GOLM1: variants seen among roughly 807,000 people sequenced by gnomAD.
GOLM1 encodes the protein epididymis luminal protein 46.
GOLM1 carries 31 observed loss-of-function variants against 50.5 expected under a neutral mutation model. That is an observed-to-expected ratio of 0.61 (90% confidence interval 0.46 to 0.83). The LOEUF (loss-of-function observed/expected upper bound fraction) is 0.83, where lower values mean the gene tolerates loss of function less well. Ranked by LOEUF, GOLM1 falls within the 40% of genes least tolerant of loss-of-function variation. GOLM1 has a pLI of 0.00. For synonymous variants in GOLM1, 178 were observed against 192.8 expected (o/e 0.92, Z 0.64); for missense variants, 491 against 501.3 (o/e 0.98, Z 0.20).
chr9:86,035,866 C>CAAAA (rs1276980708), intron 7 of GOLM1, among the ~76,000 whole-genome samples: 580 of 46,620 alleles, frequency 0.012, 79 homozygotes, highest in African/African-American at 0.05. Context: ...AGTAGCTTAC[C>CAAAA]AAAAAAAAAA....
At position 86,035,463 on chromosome 9, in the gene GOLM1, G is replaced by C; in HGVS notation, c.920C>G (p.Ser307Ter). Residue 307 changes from serine to a stop codon, truncating the protein, a stop_gained, in exon 8 of 10, where the codon TCA becomes TGA. Coordinates refer to ENST00000388712, the MANE Select transcript of GOLM1 (RefSeq NM_016548.4). LOFTEE classifies it high-confidence loss of function. ...CATCTCTGGATTTTCCTGGCTCACT[G>C]ACAGGGCAGCCTGCACCTGTGGGGT... Reference protein sequence around the residue: ...GQTPQVQAALSVSQENPEMEG... With the variant: ...GQTPQVQAAL 1.9e-6 allele frequency: 3 copies of C among 1,613,792 alleles called. No individual in the cohort carries two copies. The highest frequency in any genetic ancestry group is 2.5e-6 in the Non-Finnish European group (3 of 1,179,976).
intron 1 of GOLM1, among the ~76,000 whole-genome samples, chr9:86,089,375 C>G (rs187516983): frequency 1.8e-4 from 28 of 152,238 alleles, no homozygotes; most frequent in African/African-American, 6.3e-4. Context: ...CATTCCCCCC[C>G]TCACTTTCAG....
chr9:86,091,835 A>G (rs1835194924), intron 1 of GOLM1, among the ~76,000 whole-genome samples: 1 of 152,232 alleles, frequency 6.6e-6, no homozygotes. Context: ...CTTCAAGGGA[A>G]GTGTACAGAT....
chr9:86,058,663 T>C (rs1179786039), intron 3 of GOLM1, among the ~76,000 whole-genome samples: 2 of 127,512 alleles, frequency 1.6e-5, no homozygotes, highest in African/African-American at 3.2e-5. Context: ...GCCACTGCAC[T>C]CCAGACTGGG....
At chr9:86,055,350 T>A (rs1159400987) in intron 3 of GOLM1, among the ~76,000 whole-genome samples, 1 of 152,090 alleles carries the variant, frequency 6.6e-6, no homozygotes, top group African/African-American at 2.4e-5. Flanking sequence ...GGAATCAGAT[T>A]TACGCAGCAC....
intron 4 of GOLM1, among the ~76,000 whole-genome samples, chr9:86,047,472 C>A (rs1833587070): frequency 1.3e-5 from 2 of 152,242 alleles, no homozygotes; most frequent in South Asian, 2.1e-4. Context: ...CACGTGACAC[C>A]CTCAAGAGAC....
At chr9:86,085,282 A>C (rs2118875942) in intron 1 of GOLM1, among the ~76,000 whole-genome samples, 2 of 152,198 alleles carry the variant, frequency 1.3e-5, no homozygotes, top group South Asian at 4.2e-4. Context: ...ATTTTGGTGA[A>C]ATGCCTTTTC....
At chr9:86,056,507 T>A (rs74666818) in intron 3 of GOLM1, among the ~76,000 whole-genome samples, 78,449 of 135,166 alleles carry the variant, frequency 0.58, 21,260 homozygotes, top group African/African-American at 0.64. Flanking sequence ...TATTTAAATT[T>A]TTTTTTTTTT....
intron 1 of GOLM1, 119 bp downstream of exon 1, chr9:86,099,292 G>C (rs966881401): frequency 1.3e-5 from 2 of 152,302 alleles, no homozygotes. Flanking sequence ...CGCAAGCCGC[G>C]GGGAGGCTCC....
At chr9:86,030,773 A>G (rs1236153044) in intron 9 of GOLM1, among the ~76,000 whole-genome samples, 2 of 152,224 alleles carry the variant, frequency 1.3e-5, no homozygotes, top group African/African-American at 4.8e-5. Context: ...GTGGTTATAT[A>G]AGATGTTAAC....
chr9:86,036,500 G>A lies in GOLM1; in HGVS notation c.605C>T (p.Ala202Val). 2 of 1,614,052 alleles carry A rather than the reference G, an allele frequency of 1.2e-6. No individual in the cohort carries two copies. The highest frequency in any genetic ancestry group is 1.7e-6 in the Non-Finnish European group (2 of 1,179,986). Residue 202 changes from alanine (A) to valine (V), a missense_variant, in exon 7 of 10, where the codon GCC (alanine) becomes GTC (valine). Physicochemically the swap from Ala to Val is moderately conservative, Grantham distance 64. Transcript: ENST00000388712. Reference sequence around the variant, plus strand: ...CAGCCTGGGCTGAGGCTCACTGAGGGCTTGGAGCTGAAACAGAAGCACAGG... The same window carrying A: ...CAGCCTGGGCTGAGGCTCACTGAGGACTTGGAGCTGAAACAGAAGCACAGG... ...ENNDQRQQLQ[A>V]LSEPQPRLQA...
chr9:86,068,322 G>A (rs538621805), intron 3 of GOLM1, among the ~76,000 whole-genome samples: 1 of 152,340 alleles, frequency 6.6e-6, no homozygotes, highest in Admixed American at 6.5e-5. Context: ...AACTGTAAAA[G>A]TATACATTTT....
intron 3 of GOLM1, among the ~76,000 whole-genome samples, chr9:86,062,947 TCTC>T (rs1254175386): frequency 6.6e-6 from 1 of 152,094 alleles, no homozygotes; most frequent in African/African-American, 2.4e-5. Flanking sequence ...TTTCTGAAGG[TCTC>T]CTCATCACCC....
At chr9:86,068,757 A>T (rs770818653) in intron 3 of GOLM1, among the ~76,000 whole-genome samples, 7 of 152,254 alleles carry the variant, frequency 4.6e-5, no homozygotes, top group Non-Finnish European at 4.4e-5. Context: ...ACAGATAACA[A>T]AAACAACACG....
At chr9:86,032,252 C>T (rs1488147575) in intron 9 of GOLM1, among the ~76,000 whole-genome samples, 1 of 152,158 alleles carries the variant, frequency 6.6e-6, no homozygotes, top group Non-Finnish European at 1.5e-5. Flanking sequence ...ACTGCAACCT[C>T]TGCCTCCCGG....
chr9:86,036,696 G>A (rs1587697418), intron 6 of GOLM1, 189 bp from the exon 7 acceptor site: 1 of 605,186 alleles, frequency 1.7e-6, no homozygotes. Context: ...ACAAGAGGTT[G>A]AGTCAAGGTC....
intron 3 of GOLM1, among the ~76,000 whole-genome samples, chr9:86,056,544 C>T (rs574178193): frequency 8.2e-5 from 12 of 145,628 alleles, no homozygotes; most frequent in East Asian, 2.0e-4. Flanking sequence ...TCTCGCCTGT[C>T]GCCCAGGCTG....
At chr9:86,069,314 A>G (rs1834387239) in intron 3 of GOLM1, among the ~76,000 whole-genome samples, 1 of 152,210 alleles carries the variant, frequency 6.6e-6, no homozygotes, top group African/African-American at 2.4e-5. Context: ...AAGGCGGCTT[A>G]ATATCCTTTC....
Position 86,040,488 on chromosome 9 carries a change from C to T in GOLM1, c.597+251G>A, listed in dbSNP as rs147906776. ...CAAGTCAGGAAAACAGCAACTCTCT[C>T]CCAGGCTGGCTGCGAGCTTTAAATA... On this transcript the variant is annotated intron_variant, in intron 6 of 9. Transcript: ENST00000388712. Among the ~76,000 whole-genome samples the T allele has an allele frequency of 2.6e-3, 395 of 152,286 alleles. 5 individuals are homozygous for T. The highest frequency in any genetic ancestry group is 2.3e-3 in the Non-Finnish European group (158 of 68,036).
Sources: allele counts gnomAD v4.1 joint callset (sites outside exome capture counted in the v4.1 genomes callset), GRCh38; gene constraint gnomAD v4.1.1; transcripts MANE v1.5; gene names NCBI Gene and HGNC (gene_info 2026-07-23, HGNC 2026-07-21).